The following KLHL29 variants were observed in gnomAD, a reference collection of about 807,000 sequenced individuals.
The protein encoded by KLHL29 is kelch like family member 29.
In KLHL29, 21 loss-of-function variants were observed where a neutral mutation model predicts 80.4. That is an observed-to-expected ratio of 0.26 (90% CI 0.19 to 0.38). KLHL29 has a LOEUF of 0.38. KLHL29 is among the 10% of genes least tolerant of loss of function. The pLI is 1.00. For missense variants in KLHL29, 867 were observed against 1,223.9 expected (o/e 0.71, Z 4.35); for synonymous variants, 511 against 526.8 (o/e 0.97, Z 0.41).
At chr2:23,507,557 G>C (rs937261076) in intron 2 of KLHL29, among the ~76,000 whole-genome samples, 1 of 152,202 alleles carries the variant, frequency 6.6e-6, no homozygotes, top group Admixed American at 6.5e-5. Context: ...ACTTTGTAGT[G>C]CCTCTCGGCA....
chr2:23,701,895 G>A (rs1258105354), intron 11 of KLHL29, among the ~76,000 whole-genome samples: 1 of 143,946 alleles, frequency 6.9e-6, no homozygotes, highest in Non-Finnish European at 1.5e-5. Flanking sequence ...CTGCCTCCCA[G>A]GTTCAAGCAG....
intron 2 of KLHL29, among the ~76,000 whole-genome samples, chr2:23,507,525 C>A (rs1665638903): frequency 6.6e-6 from 1 of 152,220 alleles, no homozygotes; most frequent in Non-Finnish European, 1.5e-5. Context: ...GATGTCACAG[C>A]ACCTGGGACT....
At chr2:23,536,637 T>G (rs1240111013) in intron 2 of KLHL29, among the ~76,000 whole-genome samples, 1 of 152,148 alleles carries the variant, frequency 6.6e-6, no homozygotes, top group African/African-American at 2.4e-5. Context: ...AACCTTTTCG[T>G]TTATAAAATA....
At chr2:23,535,145 A>G (rs867745904) in intron 2 of KLHL29, among the ~76,000 whole-genome samples, 70 of 152,258 alleles carry the variant, frequency 4.6e-4, no homozygotes, top group African/African-American at 1.6e-3. Context: ...GACAGGCTGG[A>G]TACAGGGGCC....
intron 3 of KLHL29, among the ~76,000 whole-genome samples, chr2:23,597,233 C>T (rs1668428957): frequency 6.7e-6 from 1 of 149,512 alleles, no homozygotes; most frequent in African/African-American, 2.5e-5. Context: ...TCCTCTGGGC[C>T]AGGTTGCAAA....
intron 5 of KLHL29, among the ~76,000 whole-genome samples, chr2:23,653,827 G>A (rs1670155900): frequency 6.6e-6 from 1 of 152,072 alleles, no homozygotes; most frequent in African/African-American, 2.4e-5. Context: ...AGTGTTTTTT[G>A]TGGTGACAGT....
rs1672527729 is a variant in KLHL29, at chr2:23,703,595, A to C, written c.2300-124A>C. 2.4e-6 allele frequency: 3 copies of C among 1,249,894 alleles called. No individual in the cohort carries two copies. The South Asian group carries it at 4.7e-5, about 19-fold the overall frequency. 77.4% of individuals were successfully genotyped at this position (1,249,894 alleles called of 1,614,324 possible). ...TCCCCTAGGCCCCGGACCCATCCCC[A>C]GGCCAATCAGTCACTTGTTGGAAGT... On this transcript the variant is annotated intron_variant, in intron 12 of 13. Coordinates refer to ENST00000486442, the MANE Select transcript of KLHL29 (RefSeq NM_052920.2).
Position 23,700,966 on chromosome 2 carries a change from C to T in KLHL29, c.2106-2220C>T, listed in dbSNP as rs1390885766. The stretch of plus-strand genomic sequence containing the variant: ...GCACTTCACATCTCCCCAGCACACT[C>T]CTGAGCTTCCATTTCCAGCTTTGTG... On this transcript the variant is annotated intron_variant, in intron 11 of 13. Transcript: ENST00000486442. This position sits in a 1 kb window ranked among gnomAD's most constrained non-coding sequence, Gnocchi z 4.6. Among the ~76,000 whole-genome samples the T allele has an allele frequency of 6.6e-6, 1 of 152,220 alleles. No individual in the cohort carries two copies. Among genetic ancestry groups the T allele is most frequent in the African/African-American group, 2.4e-5 (1 of 41,458 alleles).
intron 3 of KLHL29, among the ~76,000 whole-genome samples, chr2:23,600,171 A>G (rs1428896064): frequency 6.6e-6 from 1 of 152,244 alleles, no homozygotes; most frequent in Non-Finnish European, 1.5e-5. Flanking sequence ...AATTTTTGAC[A>G]TAAAAATGTA....
At position 23,474,781 on chromosome 2, in the gene KLHL29, C is replaced by T. The variant is rs1664587999; in HGVS notation, c.-153-779C>T. ...TAAAGCTTTCCCCTGCTACCCGGGACTCTGGAGTGCTAAGAGGAAAAAGGA... is the reference window on the plus strand; with the variant it reads ...TAAAGCTTTCCCCTGCTACCCGGGATTCTGGAGTGCTAAGAGGAAAAAGGA... On this transcript the variant is annotated intron_variant, in intron 1 of 13. Transcript: ENST00000486442. Among the ~76,000 whole-genome samples, 6 of 152,180 alleles carry T rather than the reference C, an allele frequency of 3.9e-5. No homozygotes were observed. The South Asian group carries it at 1.2e-3, about 32-fold the overall frequency.
At chr2:23,495,962 G>A (rs1665255578) in intron 2 of KLHL29, among the ~76,000 whole-genome samples, 1 of 152,216 alleles carries the variant, frequency 6.6e-6, no homozygotes, top group South Asian at 2.1e-4. Context: ...ACCAAATCCT[G>A]GAGTTGCTGC....
At chr2:23,706,100 G>C (rs1023336010) in intron 13 of KLHL29, among the ~76,000 whole-genome samples, 2 of 152,198 alleles carry the variant, frequency 1.3e-5, no homozygotes, top group Non-Finnish European at 2.9e-5. Context: ...TCATTCTTGT[G>C]AGTCATGTTC....
intron 3 of KLHL29, among the ~76,000 whole-genome samples, chr2:23,637,265 C>G (rs188362199): frequency 1.2e-3 from 186 of 152,300 alleles, no homozygotes; most frequent in Non-Finnish European, 2.5e-3. Context: ...GGAAATACAG[C>G]GAAGGCTGTG....
chr2:23,546,416 G>A (rs151285395), intron 2 of KLHL29, among the ~76,000 whole-genome samples: 15 of 152,318 alleles, frequency 9.8e-5, no homozygotes, highest in Non-Finnish European at 1.6e-4. Context: ...CTGAGCTGGA[G>A]GAGGAGTGAA....
At chr2:23,477,695 G>A (rs2103439627) in intron 2 of KLHL29, among the ~76,000 whole-genome samples, 1 of 152,346 alleles carries the variant, frequency 6.6e-6, no homozygotes, top group Admixed American at 6.5e-5. Flanking sequence ...CAGGCCTCCT[G>A]TTGGGTCAGA....
Position 23,680,333 on chromosome 2 carries a change from C to T in KLHL29, c.941-4066C>T, listed in dbSNP as rs1185651614. 2.6e-5 allele frequency among the ~76,000 whole-genome samples: 4 copies of T among 151,948 alleles called. No individual in the cohort carries two copies. Among genetic ancestry groups the T allele is most frequent in the Non-Finnish European group, 5.9e-5 (4 of 67,976 alleles). ...ACGGGAAGAGGAGCTCCATGCTGGG[C>T]GCTGAGTCGAGCATCCTGGGCATGC... On this transcript the variant is annotated intron_variant, in intron 5 of 13. Coordinates refer to ENST00000486442, the MANE Select transcript of KLHL29 (RefSeq NM_052920.2). The surrounding 1 kb of genome is among the most constrained non-coding windows in gnomAD (Gnocchi z 4.1).
chr2:23,595,024 G>A lies in KLHL29; in HGVS notation c.285+32543G>A, dbSNP rs543682610. Among the ~76,000 whole-genome samples the A allele has an allele frequency of 4.6e-5, 7 of 152,206 alleles. No homozygotes were observed. The East Asian group carries it at 5.8e-4, about 13-fold the overall frequency. On this transcript the variant is annotated intron_variant, in intron 3 of 13. Coordinates refer to ENST00000486442, the MANE Select transcript of KLHL29 (RefSeq NM_052920.2). ...TTAATTTCATGAAGATTTAGTATTC[G>A]TGTGCTTTGTAAATTAAAGTCATCG...
chr2:23,511,293 TAAAG>T (rs894879837), intron 2 of KLHL29, among the ~76,000 whole-genome samples: 1 of 152,122 alleles, frequency 6.6e-6, no homozygotes, highest in African/African-American at 2.4e-5. Context: ...CATGGGTAAA[TAAAG>T]GGTACAGCAC....
At chr2:23,480,795 A>T (rs571709072) in intron 2 of KLHL29, among the ~76,000 whole-genome samples, 1 of 152,154 alleles carries the variant, frequency 6.6e-6, no homozygotes, top group East Asian at 1.9e-4. Flanking sequence ...ATCTTGCGCC[A>T]CCCCACATGA....
Sources: gnomAD v4.1 joint callset for allele counts (sites outside exome capture counted in the v4.1 genomes callset) on GRCh38, gnomAD v4.1.1 for gene constraint, Gnocchi (gnomAD v3.1) non-coding constraint, MANE v1.5 for transcripts, NCBI Gene and HGNC (gene_info 2026-07-23, HGNC 2026-07-21) for gene names.